The following LRGUK variants were observed in gnomAD, a reference collection of about 807,000 sequenced individuals.
LRGUK encodes the protein leucine rich repeats and guanylate kinase domain containing, also known as leucine-rich repeat and guanylate kinase domain-containing protein.
A neutral mutation model predicts 76.0 loss-of-function variants in LRGUK; 65 were observed. That is an observed-to-expected ratio of 0.85 (90% CI 0.70 to 1.05). The LOEUF is 1.05. Ranked by LOEUF, LRGUK falls within the 50% of genes least tolerant of loss-of-function variation. LRGUK has a pLI of 0.00. For synonymous variants in LRGUK, 268 were observed against 265.6 expected (o/e 1.01, Z -0.09); for missense variants, 758 against 732.8 (o/e 1.03, Z -0.40).
intron 7 of LRGUK, among the ~76,000 whole-genome samples, chr7:134,167,174 C>A (rs1462057532): frequency 6.6e-6 from 1 of 152,194 alleles, no homozygotes. Flanking sequence ...AGGTCTTTGG[C>A]CTCCTTACAC....
At chr7:134,133,335 C>A (rs1173702149) in intron 1 of LRGUK, among the ~76,000 whole-genome samples, 1 of 152,172 alleles carries the variant, frequency 6.6e-6, no homozygotes, top group African/African-American at 2.4e-5. Context: ...GAGTAACTCA[C>A]AATTTGGGTC....
the LRGUK span, among the ~76,000 whole-genome samples, chr7:134,273,413 A>C: frequency 1.3e-5 from 2 of 152,154 alleles, no homozygotes; most frequent in African/African-American, 4.8e-5. Flanking sequence ...CCTTGTGTGC[A>C]TAACAGACTC....
At chr7:134,165,056 A>G (rs888910126) in intron 7 of LRGUK, among the ~76,000 whole-genome samples, 2 of 152,178 alleles carry the variant, frequency 1.3e-5, no homozygotes, top group African/African-American at 2.4e-5. Context: ...TGATTCTCAC[A>G]TATATACAGA....
chr7:134,139,931 C>A (rs1050731408), intron 3 of LRGUK, among the ~76,000 whole-genome samples: 5 of 151,900 alleles, frequency 3.3e-5, no homozygotes, highest in Admixed American at 3.3e-4. Flanking sequence ...TTTTATTACA[C>A]TCTTTATTCT....
chr7:134,184,112 T>C (rs1799878029), intron 11 of LRGUK, among the ~76,000 whole-genome samples: 1 of 152,176 alleles, frequency 6.6e-6, no homozygotes, highest in Non-Finnish European at 1.5e-5. Context: ...TGGTAAATTA[T>C]TGATAAAATT....
intron 5 of LRGUK, among the ~76,000 whole-genome samples, chr7:134,156,819 AG>A (rs1798479709): frequency 6.6e-6 from 1 of 152,208 alleles, no homozygotes; most frequent in African/African-American, 2.4e-5. Flanking sequence ...TTGATGTTAA[AG>A]GTGAGTTAAG....
chr7:134,227,752 A>T (rs2117167583), intron 16 of LRGUK, among the ~76,000 whole-genome samples: 1 of 152,328 alleles, frequency 6.6e-6, no homozygotes, highest in South Asian at 2.1e-4. Context: ...CTGGGGGGAA[A>T]CAGTAACTGA....
Position 134,199,968 on chromosome 7 carries a change from T to C in LRGUK, c.1747+547T>C, listed in dbSNP as rs1800681025. Reference sequence around the variant, plus strand: ...TACACATATAAAATTTCTATAGATATATTCTAGAAACTTTTATATATATAT... The same window carrying C: ...TACACATATAAAATTTCTATAGATACATTCTAGAAACTTTTATATATATAT... On this transcript the variant is annotated intron_variant, in intron 14 of 15. Coordinates refer to ENST00000645682, the Ensembl canonical transcript of LRGUK. Among the ~76,000 whole-genome samples the C allele has an allele frequency of 1.5e-5, 2 of 135,060 alleles. 1 individual carries two copies. Among genetic ancestry groups the C allele is most frequent in the Non-Finnish European group, 3.2e-5 (2 of 63,356 alleles). 88.6% of individuals were successfully genotyped at this position (135,060 alleles called of 152,430 possible).
intron 11 of LRGUK, among the ~76,000 whole-genome samples, chr7:134,185,406 T>A (rs973895399): frequency 8.6e-5 from 13 of 151,746 alleles, no homozygotes; most frequent in Admixed American, 4.6e-4. Flanking sequence ...ACTAAAAGTA[T>A]AAAAATTAGC....
At chr7:134,182,336 T>G (rs577171215) in intron 10 of LRGUK, among the ~76,000 whole-genome samples, 3 of 152,320 alleles carry the variant, frequency 2.0e-5, no homozygotes, top group African/African-American at 4.8e-5. Flanking sequence ...CTTTTGCACA[T>G]GTACAGCTTC....
chr7:134,188,565 A>G (rs1221191947), intron 11 of LRGUK, among the ~76,000 whole-genome samples: 1 of 152,166 alleles, frequency 6.6e-6, no homozygotes, highest in Non-Finnish European at 1.5e-5. Context: ...AAGTGGGCAG[A>G]GTAGTGGCTT....
intron 7 of LRGUK, among the ~76,000 whole-genome samples, chr7:134,169,921 A>C (rs938435787): frequency 6.6e-5 from 10 of 152,144 alleles, no homozygotes; most frequent in Admixed American, 3.3e-4. Flanking sequence ...TAAGACTCTT[A>C]CTATATTTCA....
chr7:134,222,501 T>C (rs559671922), intron 16 of LRGUK, among the ~76,000 whole-genome samples: 1 of 152,366 alleles, frequency 6.6e-6, no homozygotes, highest in South Asian at 2.1e-4. Context: ...CAAAGAGACT[T>C]AATTGCAATT....
intron 5 of LRGUK, among the ~76,000 whole-genome samples, chr7:134,155,081 T>C (rs1344544139): frequency 3.3e-5 from 5 of 152,166 alleles, no homozygotes; most frequent in Non-Finnish European, 5.9e-5. Flanking sequence ...CAGGACACTT[T>C]AGTACTCCTA....
intron 18 of LRGUK, among the ~76,000 whole-genome samples, chr7:134,257,535 G>C (rs1301761586): frequency 2.0e-5 from 3 of 152,192 alleles, no homozygotes; most frequent in Non-Finnish European, 4.4e-5. Context: ...GTGGGGCATG[G>C]TGGCTTACAC....
intron 16 of LRGUK, among the ~76,000 whole-genome samples, chr7:134,240,832 C>G (rs7787479): frequency 0.072 from 10,983 of 152,166 alleles, 970 homozygotes; most frequent in African/African-American, 0.2. Context: ...AAAGGGAAGC[C>G]CATCAGAATA....
In LRGUK at chr7:134,164,125, T is replaced by A. The variant is rs73439436; in HGVS notation, c.939+585T>A. ...ATTTTTACCGCAAAAATGATTACTT[T>A]GTGATGTAACACATTTCTTAAATAG... On this transcript the variant is annotated intron_variant, in intron 7 of 15. Coordinates refer to ENST00000645682, the Ensembl canonical transcript of LRGUK. Among the ~76,000 whole-genome samples the A allele has an allele frequency of 7.9e-3, 1,199 of 152,358 alleles. 23 individuals are homozygous for A. The highest frequency in any genetic ancestry group is 0.028 in the African/African-American group (1,164 of 41,586).
chr7:134,275,441 G>T, the LRGUK span, among the ~76,000 whole-genome samples: 2 of 152,268 alleles, frequency 1.3e-5, no homozygotes, highest in African/African-American at 4.8e-5. Context: ...CTGTATTCCA[G>T]CAGGAGAGAT....
the LRGUK span, among the ~76,000 whole-genome samples, chr7:134,270,964 A>G: frequency 6.6e-6 from 1 of 152,160 alleles, no homozygotes; most frequent in East Asian, 1.9e-4. Context: ...TCACATTTTC[A>G]GCAAGTGGCA....
Sources: allele counts gnomAD v4.1 joint callset (sites outside exome capture counted in the v4.1 genomes callset), GRCh38; gene constraint gnomAD v4.1.1; transcripts MANE v1.5; gene names NCBI Gene and HGNC (gene_info 2026-07-23, HGNC 2026-07-21).